LMF1: variants seen among roughly 807,000 people sequenced by gnomAD.
LMF1 encodes the protein transmembrane protein 112.
In LMF1, 68 loss-of-function variants were observed where a neutral mutation model predicts 60.6. That is an observed-to-expected ratio of 1.12 (90% CI 0.92 to 1.37). The LOEUF (loss-of-function observed/expected upper bound fraction) is 1.37, where lower values mean the gene tolerates loss of function less well. Ranked by LOEUF, LMF1 falls within the 40% of genes most tolerant of loss-of-function variation. The pLI, the probability that LMF1 is intolerant of heterozygous loss-of-function variation, is 0.00. For missense variants in LMF1, 948 were observed against 767.2 expected (o/e 1.24, Z -2.78); for synonymous variants, 418 against 324.7 (o/e 1.29, Z -3.09).
chr16:854,795 C>T (rs2069143390), intron 10 of LMF1, 89 bp from the exon 11 acceptor site: 2 of 1,229,316 alleles, frequency 1.6e-6, no homozygotes, highest in African/African-American at 1.5e-5. Flanking sequence ...TGCAGCTGCT[C>T]ACAGGGTCCC....
intron 3 of LMF1, among the ~76,000 whole-genome samples, chr16:923,986 TAGA>T (rs1364525195): frequency 6.6e-6 from 1 of 152,100 alleles, no homozygotes. Context: ...CCAATCAAAA[TAGA>T]AAAGGCAACT....
rs557774390 is a variant in LMF1, at chr16:962,514, C to G, written c.194-7848G>C. Among the ~76,000 whole-genome samples, 3 of 152,198 alleles carry G rather than the reference C, an allele frequency of 2.0e-5. No individual in the cohort carries two copies. The highest frequency in any genetic ancestry group is 1.3e-4 in the Admixed American group (2 of 15,278). ...TTGGCCGGGTGATCAGAAAGCCGTG[C>G]GGACGTCAGGACCCTGATACGGTGT... On this transcript the variant is annotated intron_variant, in intron 1 of 10. Transcript: ENST00000262301. This position sits in a 1 kb window ranked among gnomAD's most constrained non-coding sequence, Gnocchi z 4.5.
intron 1 of LMF1, among the ~76,000 whole-genome samples, chr16:954,946 C>G (rs75991664): frequency 0.34 from 32,894 of 97,240 alleles, 7,485 homozygotes; most frequent in African/African-American, 0.62. Flanking sequence ...GCAGCAGACG[C>G]GGTGTGTGCA....
chr16:922,749 G>A lies in LMF1; in HGVS notation c.514+11495C>T, dbSNP rs567724513. On this transcript the variant is annotated intron_variant, in intron 3 of 10. Coordinates refer to ENST00000262301, the MANE Select transcript of LMF1 (RefSeq NM_022773.4). ...TTTTCGGGTGTGATGTGGTGTTGGC[G>A]TCGTGTTGTTGCGAAGGCCCTGTGT... Among the ~76,000 whole-genome samples the A allele has an allele frequency of 2.6e-3, 327 of 124,514 alleles. 7 individuals carry two copies. Among genetic ancestry groups the A allele is most frequent in the South Asian group, 8.8e-3 (28 of 3,182 alleles). 81.7% of individuals were successfully genotyped at this position (124,514 alleles called of 152,430 possible).
chr16:897,121 G>A lies in LMF1; in HGVS notation c.664-4049C>T, dbSNP rs958989984. The stretch of plus-strand genomic sequence containing the variant: ...GCCAGAACTTTCCAGGCCCATCGAC[G>A]ATGTTCCCGCCTTGCAACGTGTGGC... On this transcript the variant is annotated intron_variant, in intron 4 of 10. Transcript: ENST00000262301. The surrounding 1 kb of genome is among the most constrained non-coding windows in gnomAD (Gnocchi z 4.3). Among the ~76,000 whole-genome samples, 2 of 152,196 alleles carry A rather than the reference G, an allele frequency of 1.3e-5. No homozygotes were observed. Among genetic ancestry groups the A allele is most frequent in the Non-Finnish European group, 1.5e-5 (1 of 68,042 alleles).
intron 2 of LMF1, among the ~76,000 whole-genome samples, chr16:937,912 T>A (rs1015111198): frequency 1.3e-5 from 2 of 151,644 alleles, no homozygotes; most frequent in Non-Finnish European, 2.9e-5. Context: ...TCCTGACTTG[T>A]GTCTGCAGCT....
At chr16:856,498 C>T (rs530938990) in intron 10 of LMF1, among the ~76,000 whole-genome samples, 23 of 152,182 alleles carry the variant, frequency 1.5e-4, no homozygotes, top group Admixed American at 6.5e-4. Context: ...TTAGTGAGGC[C>T]GGGAGGGTGG....
At chr16:890,460 C>T (rs2070450825) in intron 5 of LMF1, among the ~76,000 whole-genome samples, 1 of 152,202 alleles carries the variant, frequency 6.6e-6, no homozygotes, top group Non-Finnish European at 1.5e-5. Context: ...GAGCCTCACG[C>T]TGCCTGGCTT....
In LMF1 at chr16:947,099, T is replaced by C. The variant is rs113927783; in HGVS notation, c.503+7258A>G. On this transcript the variant is annotated intron_variant, in intron 2 of 10. Coordinates refer to ENST00000262301, the MANE Select transcript of LMF1 (RefSeq NM_022773.4). ...CAGGATCAGGCTTTTCCCACGCCAT[T>C]TGAAAGGAGGACACGACCATGACCC... Among the ~76,000 whole-genome samples, 514 of 152,246 alleles carry C rather than the reference T, an allele frequency of 3.4e-3. 3 individuals are homozygous for C. The highest frequency in any genetic ancestry group is 0.011 in the African/African-American group (455 of 41,544).
chr16:938,213 G>C (rs948414984), intron 2 of LMF1, among the ~76,000 whole-genome samples: 1 of 152,202 alleles, frequency 6.6e-6, no homozygotes, highest in Non-Finnish European at 1.5e-5. Context: ...GCTGGGTCCC[G>C]CTGTGCAGGG....
chr16:945,037 C>G (rs1451154634), intron 2 of LMF1, among the ~76,000 whole-genome samples: 1 of 150,316 alleles, frequency 6.7e-6, no homozygotes, highest in Non-Finnish European at 1.5e-5. Context: ...ATGGTGAAAC[C>G]CCATCTCTAC....
intron 4 of LMF1, among the ~76,000 whole-genome samples, chr16:909,983 C>G (rs978679494): frequency 6.6e-6 from 1 of 152,234 alleles, no homozygotes; most frequent in African/African-American, 2.4e-5. Flanking sequence ...CCACGAAACA[C>G]TTAAGCAAAC....
intron 6 of LMF1, 136 bp downstream of exon 6, chr16:879,434 C>T: frequency 9.6e-7 from 1 of 1,036,878 alleles, no homozygotes; most frequent in South Asian, 1.7e-5. Flanking sequence ...CAAACGAAGG[C>T]TGGGGAGGAC....
rs146617111 is a variant in LMF1 at position 941,782 on chromosome 16, A to G, written c.504-7528T>C. ...ACAGCAGGTATCTCACCTACTCACA[A>G]CAGACCTGGGGTTAATATTTTCTCG... On this transcript the variant is annotated intron_variant, in intron 2 of 10. Transcript: ENST00000262301. 1.8e-3 allele frequency among the ~76,000 whole-genome samples: 268 copies of G among 152,312 alleles called. 3 individuals carry two copies. Among genetic ancestry groups the G allele is most frequent in the African/African-American group, 6.1e-3 (252 of 41,558 alleles).
Position 947,502 on chromosome 16 carries a change from C to A in LMF1, c.503+6855G>T, listed in dbSNP as rs957323827. 2.0e-5 allele frequency: 9 copies of A among 456,122 alleles called. No homozygotes were observed. The Middle Eastern group carries it at 9.8e-4, about 50-fold the overall frequency. 28.3% of individuals were successfully genotyped at this position (456,122 alleles called of 1,614,324 possible). A position where few individuals can be genotyped will look rare whatever the true frequency, so the allele number is the denominator to read the frequency against. ...GGCGGCCTCCCAGCGTCCCCTCCAG[C>A]CCTGGCGCTGCTCTCAGTACTCTTT... On this transcript the variant is annotated intron_variant, in intron 2 of 10. Transcript: ENST00000262301.
chr16:979,320 C>A, intron 1 of LMF1: 1 of 355,178 alleles, frequency 2.8e-6, no homozygotes, highest in Non-Finnish European at 5.6e-6. Flanking sequence ...GATCCTCACC[C>A]ACATACCGCC....
intron 5 of LMF1, among the ~76,000 whole-genome samples, chr16:891,049 G>A (rs996645422): frequency 9.9e-5 from 15 of 152,244 alleles, no homozygotes; most frequent in Non-Finnish European, 2.1e-4. Flanking sequence ...GTGAGGGGCA[G>A]TCCTGGGCCT....
chr16:964,251 G>C (rs1270288729), intron 1 of LMF1: 4 of 324,970 alleles, frequency 1.2e-5, no homozygotes, highest in Admixed American at 6.2e-5. Flanking sequence ...AGAGGAGATT[G>C]CACCACTGCA....
chr16:870,935 G>T, intron 7 of LMF1, 53 bp from the exon 8 acceptor site: 1 of 1,540,120 alleles, frequency 6.5e-7, no homozygotes, highest in South Asian at 1.2e-5. Context: ...CCCGTGGCCT[G>T]TCCCTGGGGA....
Sources: gnomAD v4.1 joint callset for allele counts (sites outside exome capture counted in the v4.1 genomes callset) on GRCh38, gnomAD v4.1.1 for gene constraint, Gnocchi (gnomAD v3.1) non-coding constraint, MANE v1.5 for transcripts, NCBI Gene and HGNC (gene_info 2026-07-23, HGNC 2026-07-21) for gene names.